The following LYPD6 variants were observed in gnomAD, a reference collection of about 807,000 sequenced individuals.
LYPD6 encodes ly6/PLAUR domain-containing protein 6.
In LYPD6, 15 loss-of-function variants were observed where a neutral mutation model predicts 22.7. That is an observed-to-expected ratio of 0.66 (90% CI 0.44 to 1.02). The LOEUF (loss-of-function observed/expected upper bound fraction) is 1.02. LYPD6 is among the 50% of genes least tolerant of loss of function. The probability of loss-of-function intolerance (pLI) is 0.00; values close to 1 mark genes in which losing one functional copy is unlikely to be tolerated. For synonymous variants in LYPD6, 72 were observed against 77.5 expected, an observed-to-expected ratio of 0.93 and a Z score of 0.37; for missense variants, 189 against 208.4, an observed-to-expected ratio of 0.91 and a Z score of 0.57.
intron 1 of LYPD6, among the ~76,000 whole-genome samples, chr2:149,352,487 A>G (rs1195366171): frequency 1.3e-5 from 2 of 152,210 alleles, no homozygotes; most frequent in African/African-American, 4.8e-5. Context: ...AGAAAACACA[A>G]CAGGCTGCTG....
At chr2:149,464,470 A>G in intron 3 of LYPD6, 1 of 166,540 alleles carries the variant, frequency 6.0e-6, no homozygotes, top group South Asian at 1.6e-4. Context: ...TCCATCAAGG[A>G]GAACCGTGAG....
chr2:149,456,252 T>C (rs138629427), intron 3 of LYPD6, among the ~76,000 whole-genome samples: 1 of 152,158 alleles, frequency 6.6e-6, no homozygotes, highest in African/African-American at 2.4e-5. Flanking sequence ...CTTGGGCTCT[T>C]TTTTTCTTTC....
chr2:149,459,901 CA>C (rs35923768), intron 3 of LYPD6, among the ~76,000 whole-genome samples: 81,057 of 137,424 alleles, frequency 0.59, 23,632 homozygotes, highest in East Asian at 0.76. Flanking sequence ...GACTTTGTCT[CA>C]AAAAAAAAAA....
At chr2:149,363,686 T>C (rs1245227910) in intron 1 of LYPD6, among the ~76,000 whole-genome samples, 1 of 152,168 alleles carries the variant, frequency 6.6e-6, no homozygotes, top group East Asian at 1.9e-4. Flanking sequence ...GCTTACCTTA[T>C]GGGGTTAATA....
At chr2:149,370,921 C>G (rs1008353405) in intron 1 of LYPD6, among the ~76,000 whole-genome samples, 1 of 152,140 alleles carries the variant, frequency 6.6e-6, no homozygotes, top group African/African-American at 2.4e-5. Context: ...TATGATTGCT[C>G]CACTGTACTC....
At chr2:149,442,731 G>T (rs1683596255) in intron 2 of LYPD6, among the ~76,000 whole-genome samples, 1 of 151,598 alleles carries the variant, frequency 6.6e-6, no homozygotes, top group Non-Finnish European at 1.5e-5. Context: ...CCTCATTTCT[G>T]GCAAAATATC....
chr2:149,392,066 C>T (rs990751308), intron 1 of LYPD6, among the ~76,000 whole-genome samples: 3 of 152,170 alleles, frequency 2.0e-5, no homozygotes, highest in African/African-American at 7.2e-5. Flanking sequence ...GGACCCACCT[C>T]CTGGCTTACA....
intron 1 of LYPD6, among the ~76,000 whole-genome samples, chr2:149,361,073 A>T (rs1305387865): frequency 6.6e-6 from 1 of 152,218 alleles, no homozygotes; most frequent in African/African-American, 2.4e-5. Flanking sequence ...AAGTTTATTA[A>T]CATGTATATT....
chr2:149,342,295 G>A (rs1681178212), intron 1 of LYPD6, among the ~76,000 whole-genome samples: 1 of 152,036 alleles, frequency 6.6e-6, no homozygotes, highest in Admixed American at 6.6e-5. Context: ...AGATTTGGAT[G>A]GGATACAACA....
chr2:149,332,836 A>G lies in LYPD6; in HGVS notation c.-72+2114A>G, dbSNP rs375427133. Among the ~76,000 whole-genome samples the G allele has an allele frequency of 5.9e-5, 9 of 152,364 alleles. No homozygotes were observed. In the East Asian group the frequency reaches 9.6e-4, roughly 16 times the overall value. On this transcript the variant is annotated intron_variant, in intron 1 of 4. Transcript: ENST00000334166. ...TAAGGTGAGGGCTGATAAAGAATTA[A>G]GGTGAAAACTAGGAATAGTTTTAAA...
At chr2:149,425,637 T>C (rs952266991) in intron 1 of LYPD6, among the ~76,000 whole-genome samples, 3 of 152,246 alleles carry the variant, frequency 2.0e-5, no homozygotes, top group African/African-American at 7.2e-5. Flanking sequence ...AATCTTATTA[T>C]ATTCTGCTTT....
At chr2:149,389,802 T>G (rs1000216945) in intron 1 of LYPD6, among the ~76,000 whole-genome samples, 1 of 152,292 alleles carries the variant, frequency 6.6e-6, no homozygotes, top group African/African-American at 2.4e-5. Flanking sequence ...TGCTCCTGAC[T>G]ACTGATGGAT....
At chr2:149,339,605 A>C (rs573873885) in intron 1 of LYPD6, among the ~76,000 whole-genome samples, 53 of 152,334 alleles carry the variant, frequency 3.5e-4, no homozygotes, top group African/African-American at 1.3e-3. Context: ...TCTCATGCAC[A>C]GTTACAAGTA....
chr2:149,410,294 A>G (rs1220387596), intron 1 of LYPD6, among the ~76,000 whole-genome samples: 2 of 152,058 alleles, frequency 1.3e-5, no homozygotes, highest in Non-Finnish European at 2.9e-5. Flanking sequence ...GTTGTTTTTA[A>G]TCTTGTAAAA....
At chr2:149,334,770 T>C (rs1681003150) in intron 1 of LYPD6, among the ~76,000 whole-genome samples, 1 of 151,988 alleles carries the variant, frequency 6.6e-6, no homozygotes, top group Non-Finnish European at 1.5e-5. Context: ...TTTTTTTTTT[T>C]TTCTGAAGAA....
rs991941144 is a variant in LYPD6, at chr2:149,471,009, T to G, written c.*159T>G. The G allele has an allele frequency of 1.3e-5, 8 of 619,726 alleles. No homozygotes were observed. The highest frequency in any genetic ancestry group is 1.3e-4 in the African/African-American group (7 of 55,058). 38.4% of individuals were successfully genotyped at this position (619,726 alleles called of 1,614,324 possible). ...TGCCACTTACCATGAGGAATAAATG[T>G]TGCTTCATTGTAGCCATTTTGAGTC... On this transcript the variant is annotated 3_prime_UTR_variant, in exon 5 of 5. Coordinates refer to ENST00000334166, the MANE Select transcript of LYPD6 (RefSeq NM_194317.5).
intron 1 of LYPD6, among the ~76,000 whole-genome samples, chr2:149,433,081 A>G (rs1683353092): frequency 6.6e-6 from 1 of 152,248 alleles, no homozygotes; most frequent in Non-Finnish European, 1.5e-5. Context: ...ACATAAACCT[A>G]GAAAAGACAT....
intron 1 of LYPD6, among the ~76,000 whole-genome samples, chr2:149,333,643 A>G (rs1680978911): frequency 6.6e-6 from 1 of 152,252 alleles, no homozygotes; most frequent in Non-Finnish European, 1.5e-5. Flanking sequence ...GCTCTGCTCT[A>G]GATGCTAGGG....
chr2:149,407,671 G>C (rs1381429976), intron 1 of LYPD6, among the ~76,000 whole-genome samples: 1 of 152,060 alleles, frequency 6.6e-6, no homozygotes. Context: ...CTTTGCCTTT[G>C]GTTTGAATTT....
Sources: allele counts gnomAD v4.1 joint callset (sites outside exome capture counted in the v4.1 genomes callset), GRCh38; gene constraint gnomAD v4.1.1; transcripts MANE v1.5; gene names NCBI Gene and HGNC (gene_info 2026-07-23, HGNC 2026-07-21).